MICU1: variants seen among roughly 807,000 people sequenced by gnomAD.
The protein encoded by MICU1 is mitochondrial calcium uptake 1, also known as calcium uptake protein 1, mitochondrial.
Under a neutral mutation model 56.8 loss-of-function variants are expected in MICU1, and 45 were observed. The observed-to-expected ratio is 0.79, with a 90% CI of 0.62 to 1.02. The LOEUF (loss-of-function observed/expected upper bound fraction) is 1.02, where lower values mean the gene tolerates loss of function less well. Ranked by LOEUF, MICU1 falls within the 50% of genes least tolerant of loss-of-function variation. MICU1 has a pLI of 0.00. For synonymous variants in MICU1, 186 were observed against 195.1 expected (o/e 0.95, Z 0.39); for missense variants, 504 against 587.1 (o/e 0.86, Z 1.46).
chr10:72,565,817 AAAAC>A (rs1313387656), intron 2 of MICU1, among the ~76,000 whole-genome samples: 1 of 152,102 alleles, frequency 6.6e-6, no homozygotes, highest in Non-Finnish European at 1.5e-5. Context: ...CCATCTCAAA[AAAAC>A]AAACAAACAA....
intron 1 of MICU1, among the ~76,000 whole-genome samples, chr10:72,579,308 A>G (rs1212399375): frequency 6.6e-6 from 1 of 152,130 alleles, no homozygotes; most frequent in Non-Finnish European, 1.5e-5. Flanking sequence ...GTGTCTAGTA[A>G]GGGCCTGTTC....
chr10:72,539,112 CAG>C (rs372546505), intron 4 of MICU1, among the ~76,000 whole-genome samples: 99 of 152,098 alleles, frequency 6.5e-4, no homozygotes, highest in South Asian at 2.3e-3. Context: ...TAGATCTAAA[CAG>C]AGAGAGAGAT....
chr10:72,426,020 C>CT (rs1564860589), intron 8 of MICU1, among the ~76,000 whole-genome samples: 1 of 151,738 alleles, frequency 6.6e-6, no homozygotes, highest in African/African-American at 2.4e-5. Flanking sequence ...AAATCCAAAA[C>CT]TTTTTTTGTT....
intron 1 of MICU1, among the ~76,000 whole-genome samples, chr10:72,586,814 G>T (rs1841075607): frequency 6.6e-6 from 1 of 152,188 alleles, no homozygotes; most frequent in Non-Finnish European, 1.5e-5. Flanking sequence ...AAATTTGTGT[G>T]TTTTAAAGAC....
chr10:72,450,853 T>C (rs1051660799), intron 8 of MICU1, among the ~76,000 whole-genome samples: 14 of 151,506 alleles, frequency 9.2e-5, no homozygotes, highest in Non-Finnish European at 4.4e-5. Flanking sequence ...GCCTCCCAAG[T>C]AGCTGGGATT....
chr10:72,523,117 C>T (rs1323221624), intron 5 of MICU1, among the ~76,000 whole-genome samples: 1 of 152,134 alleles, frequency 6.6e-6, no homozygotes, highest in Non-Finnish European at 1.5e-5. Context: ...CCTCTCTTAT[C>T]TATTCCTAAT....
intron 6 of MICU1, among the ~76,000 whole-genome samples, chr10:72,488,207 GAAAAAAAAATT>G (rs1302548754): frequency 1.4e-5 from 2 of 140,226 alleles, no homozygotes; most frequent in African/African-American, 5.3e-5. Flanking sequence ...AAAAAAAAAA[GAAAAAAAAATT>G]AAAAAAAAAT....
intron 9 of MICU1, among the ~76,000 whole-genome samples, chr10:72,416,157 A>G (rs1478166929): frequency 6.6e-6 from 1 of 152,030 alleles, no homozygotes; most frequent in Non-Finnish European, 1.5e-5. Flanking sequence ...AGGGATAGGG[A>G]ATAGGGGAAA....
chr10:72,476,439 G>C (rs935881166), intron 7 of MICU1, among the ~76,000 whole-genome samples: 6 of 151,936 alleles, frequency 3.9e-5, no homozygotes, highest in African/African-American at 1.5e-4. Context: ...ATGTTGCCCA[G>C]GCTGGTTTCA....
chr10:72,386,164 G>C (rs925791475), intron 10 of MICU1, among the ~76,000 whole-genome samples: 3 of 152,112 alleles, frequency 2.0e-5, no homozygotes, highest in Non-Finnish European at 2.9e-5. Flanking sequence ...AGTGGGGAAG[G>C]CATTTATGAT....
chr10:72,369,382 C>G (rs1388347650), intron 11 of MICU1, among the ~76,000 whole-genome samples: 1 of 151,326 alleles, frequency 6.6e-6, no homozygotes, highest in East Asian at 1.9e-4. Flanking sequence ...CTGGCACTTT[C>G]TCTTCCAGGC....
At chr10:72,564,945 T>C (rs182890122) in intron 2 of MICU1, among the ~76,000 whole-genome samples, 167 of 152,144 alleles carry the variant, frequency 1.1e-3, no homozygotes, top group African/African-American at 2.9e-3. Flanking sequence ...CCAAGGCATT[T>C]AGTAACATCC....
At chr10:72,407,886 C>G (rs778442261) in intron 10 of MICU1, 43 bp downstream of exon 10, 2 of 1,326,630 alleles carry the variant, frequency 1.5e-6, no homozygotes, top group African/African-American at 1.4e-5. Context: ...ATTACAGATC[C>G]AATGTTCATA....
intron 11 of MICU1, among the ~76,000 whole-genome samples, 187 bp from the exon 12 acceptor site, chr10:72,368,542 A>G (rs1862222947): frequency 1.3e-5 from 2 of 152,244 alleles, no homozygotes; most frequent in African/African-American, 4.8e-5. Context: ...ACTCAGTGAC[A>G]GTTCAGTGTA....
At chr10:72,534,749 C>A (rs1358817455) in intron 4 of MICU1, among the ~76,000 whole-genome samples, 1 of 152,112 alleles carries the variant, frequency 6.6e-6, no homozygotes, top group East Asian at 1.9e-4. Flanking sequence ...TTTGGTTATA[C>A]ATTCTTCTTA....
chr10:72,608,331 C>T (rs903300535), intron 1 of MICU1, among the ~76,000 whole-genome samples: 2 of 152,196 alleles, frequency 1.3e-5, no homozygotes, highest in Admixed American at 1.3e-4. Context: ...CTCGGCAGCC[C>T]GAAGTGCTGG....
At chr10:72,550,386 T>A (rs1433015184) in intron 4 of MICU1, among the ~76,000 whole-genome samples, 1 of 152,170 alleles carries the variant, frequency 6.6e-6, no homozygotes, top group Non-Finnish European at 1.5e-5. Flanking sequence ...AGATTTGCAT[T>A]AAGTACTCCA....
At chr10:72,512,703 G>GTTTTGTTTTA (rs1337917934) in intron 5 of MICU1, among the ~76,000 whole-genome samples, 8 of 151,862 alleles carry the variant, frequency 5.3e-5, no homozygotes, top group Admixed American at 5.3e-4. Flanking sequence ...GTTTTGTTTT[G>GTTTTGTTTTA]TTTTGTTTTG....
At position 72,477,288 on chromosome 10, in the gene MICU1, G is replaced by A. The variant is rs555920641; in HGVS notation, c.653-32C>T. On this transcript the variant is annotated intron_variant, in intron 6 of 11. Coordinates refer to ENST00000361114, the MANE Select transcript of MICU1 (RefSeq NM_001195518.2). ...AGGAGAGAAAAAAAATATTTAGAAG[G>A]CATTGACCAAAAATAAATCCCTTTT... 4 of 1,467,838 alleles carry A rather than the reference G, an allele frequency of 2.7e-6. No homozygotes were observed. In the East Asian group the frequency reaches 7.4e-5, roughly 27 times the overall value. 90.9% of individuals were successfully genotyped at this position (1,467,838 alleles called of 1,614,324 possible). A position where few individuals can be genotyped will look rare whatever the true frequency, so the allele number is the denominator to read the frequency against.
Sources: allele counts gnomAD v4.1 joint callset (sites outside exome capture counted in the v4.1 genomes callset), GRCh38; gene constraint gnomAD v4.1.1; transcripts MANE v1.5; gene names NCBI Gene and HGNC (gene_info 2026-07-23, HGNC 2026-07-21).